Variants in GABRB3 observed in about 807,000 individuals in gnomAD.
The protein encoded by GABRB3 is gamma-aminobutyric acid receptor subunit beta-3.
In GABRB3, 14 loss-of-function variants were observed where a neutral mutation model predicts 52.1. That is an observed-to-expected ratio of 0.27 (90% CI 0.18 to 0.42). The LOEUF (loss-of-function observed/expected upper bound fraction) is 0.42. GABRB3 is among the 10% of genes least tolerant of loss of function. GABRB3 has a pLI of 1.00. For synonymous variants in GABRB3, 260 were observed against 232.3 expected (o/e 1.12, Z -1.08); for missense variants, 307 against 609.1 (o/e 0.50, Z 5.22).
chr15:26,749,742 C>T (rs1422986847), intron 3 of GABRB3, among the ~76,000 whole-genome samples: 1 of 151,708 alleles, frequency 6.6e-6, no homozygotes, highest in Non-Finnish European at 1.5e-5. Flanking sequence ...CTGGTCCTTT[C>T]GCGGGGGCTT....
chr15:26,652,227 G>A lies in GABRB3; in HGVS notation c.241-30693C>T, dbSNP rs554944141. On this transcript the variant is annotated intron_variant, in intron 3 of 8. Coordinates refer to ENST00000311550, the MANE Select transcript of GABRB3 (RefSeq NM_000814.6). The stretch of plus-strand genomic sequence containing the variant: ...CCACCTATGACTTGCAAGCCCCATG[G>A]CTTCAAGATGTTCCTCCTTTCGTGG... 3.3e-5 allele frequency among the ~76,000 whole-genome samples: 5 copies of A among 152,258 alleles called. No homozygotes were observed. The South Asian group carries it at 1.0e-3, about 32-fold the overall frequency.
intron 3 of GABRB3, among the ~76,000 whole-genome samples, chr15:26,726,695 G>A (rs903857422): frequency 6.6e-6 from 1 of 152,164 alleles, no homozygotes. Flanking sequence ...CATACAAGGA[G>A]GGACACGATG....
rs1891173914 is a variant in GABRB3 at position 26,772,395 on chromosome 15, C to A, written c.240+7G>T. 1.2e-6 allele frequency: 2 copies of A among 1,606,706 alleles called. No individual in the cohort carries two copies. The highest frequency in any genetic ancestry group is 1.7e-6 in the Non-Finnish European group (2 of 1,176,672). ...TCAGGGACCGCCCTGGGAGGGCGGG[C>A]ACTCACCATGTTGACTTCGGAAACC... is the stretch of plus-strand genomic sequence containing the variant. On this transcript the variant is annotated splice_region_variant and intron_variant, in intron 3 of 8. Transcript: ENST00000311550.
chr15:26,572,862 G>A (rs1890458476), intron 6 of GABRB3, among the ~76,000 whole-genome samples: 1 of 152,166 alleles, frequency 6.6e-6, no homozygotes, highest in South Asian at 2.1e-4. Flanking sequence ...TTGTTCCAAG[G>A]CAGGGATTCC....
rs1346521870 is a variant in GABRB3, at chr15:26,554,189, T to TATATATATATATATATATATATAC, written c.1081-6056_1081-6055insGTATATATATATATATATATATAT. On this transcript the variant is annotated intron_variant, in intron 8 of 8. Transcript: ENST00000311550. The stretch of plus-strand genomic sequence containing the variant: ...TATATATATAAAGTATATATATATA[T>TATATATATATATATATATATATAC]ACTATATATATATATATATAGTAGA... 3.3e-4 allele frequency among the ~76,000 whole-genome samples: 9 copies of TATATATATATATATATATATATAC among 27,360 alleles called. 1 individual carries two copies. In the South Asian group the frequency reaches 7.5e-3, roughly 23 times the overall value. The allele number at this position is 27,360 out of a possible 152,430, so 17.9% of individuals were successfully genotyped here.
chr15:26,591,362 C>T (rs973316282), intron 4 of GABRB3, among the ~76,000 whole-genome samples: 7 of 152,240 alleles, frequency 4.6e-5, no homozygotes, highest in South Asian at 2.1e-4. Context: ...ATAGCAAAAC[C>T]CTTAGCAAAC....
intron 4 of GABRB3, among the ~76,000 whole-genome samples, chr15:26,601,783 G>A (rs1392033994): frequency 6.6e-6 from 1 of 151,952 alleles, no homozygotes; most frequent in Non-Finnish European, 1.5e-5. Flanking sequence ...TAAAAATCGA[G>A]AAACTAAATC....
chr15:26,704,363 T>G (rs28721508), intron 3 of GABRB3, among the ~76,000 whole-genome samples: 3,580 of 152,302 alleles, frequency 0.024, 145 homozygotes, highest in African/African-American at 0.082. Flanking sequence ...CCATGGGAAG[T>G]CCTTGAACCT....
chr15:26,655,276 G>C (rs962057335), intron 3 of GABRB3, among the ~76,000 whole-genome samples: 2 of 152,088 alleles, frequency 1.3e-5, no homozygotes, highest in African/African-American at 2.4e-5. Flanking sequence ...ACTTTATTAT[G>C]TGAAAATCTG....
intron 3 of GABRB3, among the ~76,000 whole-genome samples, chr15:26,663,725 C>A (rs1887619424): frequency 1.3e-5 from 2 of 152,130 alleles, no homozygotes; most frequent in Non-Finnish European, 2.9e-5. Flanking sequence ...TTTTAATAGC[C>A]TTGAGAGGTC....
intron 3 of GABRB3, among the ~76,000 whole-genome samples, chr15:26,638,989 G>A (rs1893126979): frequency 6.6e-6 from 1 of 152,046 alleles, no homozygotes; most frequent in Non-Finnish European, 1.5e-5. Context: ...ATGTCAATAT[G>A]GTCTTGCTGC....
At chr15:26,627,321 A>C (rs1236510253) in intron 3 of GABRB3, among the ~76,000 whole-genome samples, 1 of 97,820 alleles carries the variant, frequency 1.0e-5, no homozygotes, top group African/African-American at 3.5e-5. Flanking sequence ...GTCTGCTAAC[A>C]CAACATCCAT....
chr15:26,766,657 C>T (rs1038069516), intron 3 of GABRB3, among the ~76,000 whole-genome samples: 1 of 151,550 alleles, frequency 6.6e-6, no homozygotes, highest in African/African-American at 2.4e-5. Context: ...TTTGGAAAAA[C>T]CAAATGTTGG....
chr15:26,617,221 A>T (rs1358600718), intron 4 of GABRB3, among the ~76,000 whole-genome samples: 1 of 152,160 alleles, frequency 6.6e-6, no homozygotes, highest in African/African-American at 2.4e-5. Flanking sequence ...ATCCTCCCTA[A>T]CTCATTTTAT....
At chr15:26,612,630 A>G (rs1022577723) in intron 4 of GABRB3, 3 of 152,216 alleles carry the variant, frequency 2.0e-5, no homozygotes, top group Non-Finnish European at 4.4e-5. Flanking sequence ...ATGAATGAGG[A>G]CATGCCATGT....
chr15:26,574,029 C>A (rs191766157), intron 6 of GABRB3, among the ~76,000 whole-genome samples: 1 of 151,936 alleles, frequency 6.6e-6, no homozygotes, highest in East Asian at 1.9e-4. Flanking sequence ...CCAGCCCGGG[C>A]GACAGACTAA....
chr15:26,704,689 A>G (rs1011525987), intron 3 of GABRB3, among the ~76,000 whole-genome samples: 2 of 152,176 alleles, frequency 1.3e-5, no homozygotes, highest in Non-Finnish European at 1.5e-5. Flanking sequence ...TATCCTAGCC[A>G]TTGCTTTTAA....
intron 3 of GABRB3, among the ~76,000 whole-genome samples, chr15:26,701,531 G>T (rs1372315952): frequency 6.6e-6 from 1 of 152,094 alleles, no homozygotes; most frequent in Non-Finnish European, 1.5e-5. Flanking sequence ...TATGACAAAA[G>T]ACGTGAATGA....
chr15:26,579,716 A>G (rs909755807), intron 6 of GABRB3, among the ~76,000 whole-genome samples: 5 of 152,254 alleles, frequency 3.3e-5, no homozygotes, highest in African/African-American at 1.2e-4. Context: ...GTAATTTAGT[A>G]AAAACCTGTG....
Sources: gnomAD v4.1 joint callset for allele counts (sites outside exome capture counted in the v4.1 genomes callset) on GRCh38, gnomAD v4.1.1 for gene constraint, MANE v1.5 for transcripts, NCBI Gene and HGNC (gene_info 2026-07-23, HGNC 2026-07-21) for gene names.